The following USH2A variants were observed in gnomAD, a reference collection of about 807,000 sequenced individuals.
USH2A encodes Usher syndrome 2A (autosomal recessive, mild).
USH2A carries 443 observed loss-of-function variants against 538.9 expected under a neutral mutation model. The ratio of observed to expected loss-of-function variants is 0.82; its 90% CI spans 0.76 to 0.89. USH2A has a LOEUF of 0.89. Ranked by LOEUF, USH2A falls within the 40% of genes least tolerant of loss-of-function variation. The pLI, the probability that USH2A is intolerant of heterozygous loss-of-function variation, is 0.00. For synonymous variants in USH2A, 2,413 were observed against 2,273.5 expected (o/e 1.06, Z -1.75); for missense variants, 6,633 against 6,324.8 (o/e 1.05, Z -1.65).
chr1:216,262,178 C>A (rs1254846340), intron 11 of USH2A, among the ~76,000 whole-genome samples: 1 of 152,040 alleles, frequency 6.6e-6, no homozygotes, highest in African/African-American at 2.4e-5. Flanking sequence ...GAAAACATGA[C>A]ACTACCAAAG....
At chr1:216,379,310 T>A (rs1448790749) in intron 3 of USH2A, among the ~76,000 whole-genome samples, 1 of 152,218 alleles carries the variant, frequency 6.6e-6, no homozygotes, top group Non-Finnish European at 1.5e-5. Flanking sequence ...TTTGCCAATC[T>A]AATTTCATCT....
intron 61 of USH2A, among the ~76,000 whole-genome samples, chr1:215,700,743 C>T (rs998581248): frequency 1.2e-4 from 18 of 151,972 alleles, no homozygotes; most frequent in Admixed American, 1.2e-3. Context: ...TTTTGTTAAT[C>T]TTTTCAAAAA....
chr1:215,961,570 G>C (rs988608926), intron 37 of USH2A, among the ~76,000 whole-genome samples: 1 of 151,178 alleles, frequency 6.6e-6, no homozygotes, highest in African/African-American at 2.4e-5. Context: ...GAAATAATAA[G>C]TAGGAAATTA....
At chr1:215,935,508 T>A (rs1213478244) in intron 37 of USH2A, among the ~76,000 whole-genome samples, 1 of 151,978 alleles carries the variant, frequency 6.6e-6, no homozygotes, top group Non-Finnish European at 1.5e-5. Flanking sequence ...TAATACATCC[T>A]CACCCTGGTC....
At chr1:215,776,042 A>G (rs1661451267) in intron 55 of USH2A, among the ~76,000 whole-genome samples, 1 of 152,190 alleles carries the variant, frequency 6.6e-6, no homozygotes, top group Non-Finnish European at 1.5e-5. Flanking sequence ...GGCCTTAATT[A>G]TTTAGTTAAT....
rs147884108 is a variant in USH2A at position 215,634,059 on chromosome 1, C to A, written c.15297+400G>T. Among the ~76,000 whole-genome samples, 177 of 152,290 alleles carry A rather than the reference C, an allele frequency of 1.2e-3. 1 individual carries two copies. Among genetic ancestry groups the A allele is most frequent in the African/African-American group, 4.2e-3 (173 of 41,548 alleles). Reference sequence around the variant, plus strand: ...GCCACCAAATTACACAGTAATACAACCTATAATTTCCCCAGGTAATCTCAA... The same window carrying A: ...GCCACCAAATTACACAGTAATACAAACTATAATTTCCCCAGGTAATCTCAA... On this transcript the variant is annotated intron_variant, in intron 70 of 71. Coordinates refer to ENST00000307340, the MANE Select transcript of USH2A (RefSeq NM_206933.4).
intron 16 of USH2A, among the ~76,000 whole-genome samples, chr1:216,206,929 T>A (rs926593826): frequency 3.9e-5 from 6 of 152,190 alleles, no homozygotes; most frequent in Non-Finnish European, 8.8e-5. Context: ...TTTTCATAGA[T>A]TTTAACAAAT....
rs953626523 is a variant in USH2A at position 215,968,013 on chromosome 1, A to G, written c.6958-2534T>C. Among the ~76,000 whole-genome samples the G allele has an allele frequency of 9.2e-5, 14 of 152,138 alleles. No homozygotes were observed. In the East Asian group the frequency reaches 2.3e-3, roughly 25 times the overall value. ...ACATTGGCTAAGTGGGGAGTAAGAA[A>G]GCAAAGTGATTTTCTTATGGAAAAC... On this transcript the variant is annotated intron_variant, in intron 36 of 71. Coordinates refer to ENST00000307340, the MANE Select transcript of USH2A (RefSeq NM_206933.4).
At chr1:216,117,385 T>C (rs942861551) in intron 21 of USH2A, among the ~76,000 whole-genome samples, 1 of 152,166 alleles carries the variant, frequency 6.6e-6, no homozygotes, top group Non-Finnish European at 1.5e-5. Context: ...TAATCACTCT[T>C]ACAGGAAGTA....
chr1:216,287,659 A>G (rs1459492053), intron 11 of USH2A, among the ~76,000 whole-genome samples: 4 of 152,258 alleles, frequency 2.6e-5, no homozygotes, highest in Non-Finnish European at 2.9e-5. Context: ...AATTTCTTGT[A>G]GATCTGAATG....
At chr1:215,977,620 C>A (rs1313813923) in intron 35 of USH2A, among the ~76,000 whole-genome samples, 1 of 152,070 alleles carries the variant, frequency 6.6e-6, no homozygotes, top group Non-Finnish European at 1.5e-5. Context: ...TTAAGCGATT[C>A]CCTTGCCTCA....
At chr1:216,388,663 C>T (rs2039048696) in intron 3 of USH2A, among the ~76,000 whole-genome samples, 1 of 152,148 alleles carries the variant, frequency 6.6e-6, no homozygotes, top group Non-Finnish European at 1.5e-5. Context: ...CAGTGAGACC[C>T]AAATGCAAAT....
intron 30 of USH2A, among the ~76,000 whole-genome samples, chr1:216,050,004 AT>A (rs1438573424): frequency 1.3e-5 from 2 of 152,088 alleles, no homozygotes; most frequent in Non-Finnish European, 2.9e-5. Context: ...GCTCTCTCTA[AT>A]TTCAAAACCC....
intron 21 of USH2A, among the ~76,000 whole-genome samples, chr1:216,166,457 G>A (rs1288823759): frequency 6.6e-6 from 1 of 152,070 alleles, no homozygotes; most frequent in Admixed American, 6.6e-5. Context: ...CCATTAAAAG[G>A]TTTTACACAA....
chr1:215,680,760 T>C (rs749565598), intron 61 of USH2A, among the ~76,000 whole-genome samples: 15 of 152,260 alleles, frequency 9.9e-5, no homozygotes, highest in Non-Finnish European at 1.9e-4. Flanking sequence ...GAGACTGGGA[T>C]AATTGCCTGC....
chr1:215,874,088 G>A (rs1304091009), intron 43 of USH2A, among the ~76,000 whole-genome samples: 1 of 152,168 alleles, frequency 6.6e-6, no homozygotes, highest in Non-Finnish European at 1.5e-5. Context: ...TGTGAAGGTA[G>A]ATTGATGCTT....
chr1:216,231,642 G>A (rs982923505), intron 14 of USH2A, among the ~76,000 whole-genome samples: 2 of 151,560 alleles, frequency 1.3e-5, no homozygotes, highest in African/African-American at 2.4e-5. Flanking sequence ...TACCCCTCCC[G>A]GTTCAAGCGA....
At chr1:216,012,496 A>C (rs975870659) in intron 32 of USH2A, among the ~76,000 whole-genome samples, 7 of 152,114 alleles carry the variant, frequency 4.6e-5, no homozygotes, top group Admixed American at 4.6e-4. Context: ...AGGCCACCGC[A>C]GTCATTTCTT....
rs759494205 is a variant in USH2A, at chr1:215,970,680, A to G, written c.6902T>C (p.Leu2301Ser). The change falls in exon 36 of 72, where the codon TTA (leucine) becomes TCA (serine). Residue 2301 changes from leucine (L) to serine (S), a missense_variant. Coordinates refer to ENST00000307340, the MANE Select transcript of USH2A (RefSeq NM_206933.4). ...GCATGCTTGGACTCTGAAGGAATGT[A>G]AACTCCAAGGAGCAAATCCGTAAGC... Reference protein sequence around the residue: ...YRAYGFAPWSLHSFRVQACTA... With the variant: ...YRAYGFAPWSSHSFRVQACTA... 35 of 1,613,622 alleles carry G rather than the reference A, an allele frequency of 2.2e-5. No homozygotes were observed. The South Asian group carries it at 3.1e-4, about 14-fold the overall frequency.
Sources: gnomAD v4.1 joint callset for allele counts (sites outside exome capture counted in the v4.1 genomes callset) on GRCh38, gnomAD v4.1.1 for gene constraint, MANE v1.5 for transcripts, NCBI Gene and HGNC (gene_info 2026-07-23, HGNC 2026-07-21) for gene names.